Variants in TLN1 observed in about 807,000 individuals in gnomAD.
TLN1 encodes talin-1.
A neutral mutation model predicts 292.3 loss-of-function variants in TLN1; 56 were observed. The ratio of observed to expected loss-of-function variants is 0.19; its 90% CI spans 0.15 to 0.24. The LOEUF is 0.24. TLN1 is among the 10% of genes least tolerant of loss of function. TLN1 has a pLI of 1.00. For synonymous variants in TLN1, 1,119 were observed against 1,253.7 expected, an observed-to-expected ratio of 0.89 and a Z score of 2.27; for missense variants, 2,433 against 3,248.2, an observed-to-expected ratio of 0.75 and a Z score of 6.10.
intron 3 of TLN1, 30 bp downstream of exon 3, chr9:35,725,194 T>C (rs1011552607): frequency 6.2e-6 from 10 of 1,609,166 alleles, no homozygotes; most frequent in Non-Finnish European, 8.5e-6. Context: ...TGGAAGGGGA[T>C]GTGGTGGTCC....
At chr9:35,700,500 G>C in intron 48 of TLN1, 124 bp from the exon 49 acceptor site, 1 of 1,042,294 alleles carries the variant, frequency 9.6e-7, no homozygotes. Flanking sequence ...CAAGGCAGTT[G>C]GTTATTGTTT....
Position 35,705,536 on chromosome 9 carries a change from T to C in TLN1, c.5733+15A>G. ...CAAGGGGCAGGGGGCAGGGCAGAGT[T>C]GCCTCCACGTTTACCTCTTCATTTT... On this transcript the variant is annotated intron_variant, in intron 43 of 56. Coordinates refer to ENST00000314888, the MANE Select transcript of TLN1 (RefSeq NM_006289.4). 6.4e-7 allele frequency: 1 copy of C among 1,562,450 alleles called. No individual in the cohort carries two copies. Among genetic ancestry groups the C allele is most frequent in the Non-Finnish European group, 8.7e-7 (1 of 1,152,012 alleles).
At position 35,704,765 on chromosome 9, in the gene TLN1, G is replaced by T. The variant is rs146690513; in HGVS notation, c.5784C>A (p.Ala1928=). Reference sequence around the variant, plus strand: ...GGGCGCCTGCCTTGGTGACCAGAGCGGCACAGCCATGGCCCAGCTCCTGTA... The same window carrying T: ...GGGCGCCTGCCTTGGTGACCAGAGCTGCACAGCCATGGCCCAGCTCCTGTA... The part of the protein sequence containing the change: ...HRVQELGHGC[A]ALVTKAGALQ... Residue 1928 remains alanine (A), a synonymous_variant, in exon 44 of 57, where the codon GCC becomes GCA. Transcript: ENST00000314888. This position sits in a 1 kb window ranked among gnomAD's most constrained non-coding sequence, Gnocchi z 6.9. 1.2e-6 allele frequency: 2 copies of T among 1,614,066 alleles called. No homozygotes were observed. Among genetic ancestry groups the T allele is most frequent in the Non-Finnish European group, 1.7e-6 (2 of 1,180,048 alleles).
Position 35,720,134 on chromosome 9 carries a change from C to A in TLN1, c.1369G>T (p.Ala457Ser). The A allele has an allele frequency of 1.2e-6, 2 of 1,612,546 alleles. No homozygotes were observed. Among genetic ancestry groups the A allele is most frequent in the Non-Finnish European group, 1.7e-6 (2 of 1,179,364 alleles). ...VALPAIMRSG[A>S]SGPENFQVGS... ...ACCTGGAAATTCTCAGGACCAGAGG[C>A]TCCAGAGCGCATGATGGCAGGCAGG... is the stretch of plus-strand genomic sequence containing the variant. The change falls in exon 13 of 57, where the codon GCC becomes TCC. Residue 457 changes from alanine (A) to serine (S), a missense_variant. By Grantham distance (99) the Ala-to-Ser change is moderately conservative. This residue lies in a region of TLN1 where 617 missense variants were observed against 770.6 expected (regional missense o/e 0.80). Coordinates refer to ENST00000314888, the MANE Select transcript of TLN1 (RefSeq NM_006289.4).
intron 11 of TLN1, 120 bp from the exon 12 acceptor site, chr9:35,720,629 C>CTTTTTTT: frequency 2.4e-6 from 2 of 833,102 alleles, no homozygotes; most frequent in Non-Finnish European, 3.6e-6. Context: ...ATTTCTTTTT[C>CTTTTTTT]TTTTTTTTTT....
Position 35,704,911 on chromosome 9 carries a change from T to C in TLN1, c.5734-96A>G, listed in dbSNP as rs959526159. ...GTCACTAAGGACATAGAAAAAAACA[T>C]GCATTGTAGACTAAAGAAGCAGAGA... is the stretch of plus-strand genomic sequence containing the variant. On this transcript the variant is annotated intron_variant, in intron 43 of 56. Coordinates refer to ENST00000314888, the MANE Select transcript of TLN1 (RefSeq NM_006289.4). This position sits in a 1 kb window ranked among gnomAD's most constrained non-coding sequence, Gnocchi z 6.9. 2.2e-6 allele frequency: 3 copies of C among 1,390,920 alleles called. No individual in the cohort carries two copies. The highest frequency in any genetic ancestry group is 4.5e-5 in the Admixed American group (2 of 44,652). The allele number at this position is 1,390,920 out of a possible 1,614,324, so 86.2% of individuals were successfully genotyped here.
At chr9:35,713,829 AAAAT>A (rs771774990) in intron 25 of TLN1, 120 bp downstream of exon 25, 105 of 1,052,422 alleles carry the variant, frequency 1.0e-4, no homozygotes, top group Non-Finnish European at 1.3e-4. Flanking sequence ...AAAGAAAAGA[AAAAT>A]AAAAGAGAGA....
rs1368326207 is a variant in TLN1, at chr9:35,707,743, G to C, written c.4620C>G (p.Val1540=). 1 of 1,614,202 alleles carries C rather than the reference G, an allele frequency of 6.2e-7. No individual in the cohort carries two copies. The highest frequency in any genetic ancestry group is 1.7e-5 in the Admixed American group (1 of 60,028). The change falls in exon 35 of 57, where the codon GTC becomes GTG. Residue 1540 remains valine (V), a synonymous_variant. Coordinates refer to ENST00000314888, the MANE Select transcript of TLN1 (RefSeq NM_006289.4). This position sits in a 1 kb window ranked among gnomAD's most constrained non-coding sequence, Gnocchi z 5.6. Reference sequence around the variant, plus strand: ...AAGCAATGGGAACCTTGATGGTCTTGACAAGATTAGCTGTGCTGTTGGCCA... The same window carrying C: ...AAGCAATGGGAACCTTGATGGTCTTCACAAGATTAGCTGTGCTGTTGGCCA... ...KEVANSTANL[V]KTIKALDGAF...
Position 35,697,497 on chromosome 9 carries a change from G to A in TLN1, c.*294C>T, listed in dbSNP as rs1001335963. The A allele has an allele frequency of 2.5e-6, 1 of 398,126 alleles. No homozygotes were observed. Among genetic ancestry groups the A allele is most frequent in the African/African-American group, 2.0e-5 (1 of 49,442 alleles). 24.7% of individuals were successfully genotyped at this position (398,126 alleles called of 1,614,324 possible). A position where few individuals can be genotyped will look rare whatever the true frequency, so the allele number is the denominator to read the frequency against. ...CCGGAAGCTGCTGGCAGGGTGGAGT[G>A]GGCTGGGGCCCCGGCAGATTCAGAT... On this transcript the variant is annotated 3_prime_UTR_variant, in exon 57 of 57. Coordinates refer to ENST00000314888, the MANE Select transcript of TLN1 (RefSeq NM_006289.4).
Position 35,724,347 on chromosome 9 carries a change from C to T in TLN1, c.512-13G>A, listed in dbSNP as rs1353366894. 1 of 1,614,128 alleles carries T rather than the reference C, an allele frequency of 6.2e-7. No individual in the cohort carries two copies. The highest frequency in any genetic ancestry group is 1.1e-5 in the South Asian group (1 of 91,078). ...TCCAGCCAGTTCACTGGGATACAGA[C>T]AGTCCCCTCAGTGCCAAACCCCCAT... On this transcript the variant is annotated splice_polypyrimidine_tract_variant and intron_variant, in intron 5 of 56. Coordinates refer to ENST00000314888, the MANE Select transcript of TLN1 (RefSeq NM_006289.4). This position sits in a 1 kb window ranked among gnomAD's most constrained non-coding sequence, Gnocchi z 4.7.
At position 35,703,855 on chromosome 9, in the gene TLN1, C is replaced by A; in HGVS notation, c.6277G>T (p.Asp2093Tyr). 1 of 1,614,224 alleles carries A rather than the reference C, an allele frequency of 6.2e-7. No homozygotes were observed. Among genetic ancestry groups the A allele is most frequent in the Non-Finnish European group, 8.5e-7 (1 of 1,180,048 alleles). Residue 2093 changes from aspartate (D) to tyrosine (Y), a missense_variant, in exon 47 of 57, where the codon GAC becomes TAC. By Grantham distance (160) the Asp-to-Tyr change is radical. Coordinates refer to ENST00000314888, the MANE Select transcript of TLN1 (RefSeq NM_006289.4). The stretch of plus-strand genomic sequence containing the variant: ...GCAGCCTTCGTTGCACTGATGAGGT[C>A]TCCCAGGGCTTTGGCTACATCTTTC... ...AVKDVAKALGDLISATKAAAG... is the reference protein window; with the variant it reads ...AVKDVAKALGYLISATKAAAG...
In TLN1 at chr9:35,725,277, C is replaced by G; in HGVS notation, c.175G>C (p.Gly59Arg). The G allele has an allele frequency of 6.2e-7, 1 of 1,614,038 alleles. No individual in the cohort carries two copies. The change falls in exon 3 of 57, where the codon GGT becomes CGT. Residue 59 changes from glycine to arginine, a missense_variant. Physicochemically the swap from Gly to Arg is moderately radical, Grantham distance 125. Coordinates refer to ENST00000314888, the MANE Select transcript of TLN1 (RefSeq NM_006289.4). The stretch of plus-strand genomic sequence containing the variant: ...GCTTTCCCAGCCTCCAGCCATATAC[C>G]CTTTTTGGGGTCATCATCTGACAGA... ...LFLSDDDPKK[G>R]IWLEAGKALD... is the part of the protein sequence containing the mutation.
Position 35,703,604 on chromosome 9 carries a change from G to A in TLN1, c.6430C>T (p.Arg2144Trp). The change falls in exon 48 of 57, where the codon CGG becomes TGG. Residue 2144 changes from arginine to tryptophan, a missense_variant. By Grantham distance (101) the Arg-to-Trp change is moderately radical (BLOSUM62 -3). This residue lies in a region of TLN1 where 1,384 missense variants were observed against 1,699.6 expected (regional missense o/e 0.81). Coordinates refer to ENST00000314888, the MANE Select transcript of TLN1 (RefSeq NM_006289.4). ...AVEDEATKGTRALEATTEHIR... is the reference protein window; with the variant it reads ...AVEDEATKGTWALEATTEHIR... ...TGTTCTGTGGTTGCCTCCAGGGCCC[G>A]AGTGCCTTTGGTGGCCTCATCTTCC... The A allele has an allele frequency of 6.2e-7, 1 of 1,614,156 alleles. No homozygotes were observed. The highest frequency in any genetic ancestry group is 8.5e-7 in the Non-Finnish European group (1 of 1,180,024).
rs755159548 is a variant in TLN1, at chr9:35,706,848, T to C, written c.5008A>G (p.Ser1670Gly). The change falls in exon 38 of 57, where the codon AGT becomes GGT. Residue 1670 changes from serine to glycine, a missense_variant. Ser to Gly is a moderately conservative substitution (Grantham distance 56, BLOSUM62 0). Transcript: ENST00000314888. The surrounding 1 kb of genome is among the most constrained non-coding windows in gnomAD (Gnocchi z 4.2). ...GCCTGGTCTAGGTCCCGTAGACAAC[T>C]GTTCAGAGCTGCAATGGCCGTTTCA... Reference protein sequence around the residue: ...ECETAIAALNSCLRDLDQASL... With the variant: ...ECETAIAALNGCLRDLDQASL... 6.2e-7 allele frequency: 1 copy of C among 1,614,056 alleles called. No homozygotes were observed. Among genetic ancestry groups the C allele is most frequent in the Non-Finnish European group, 8.5e-7 (1 of 1,180,030 alleles).
At chr9:35,722,083 A>C (rs757065326) in intron 9 of TLN1, 36 bp downstream of exon 9, 8 of 1,576,750 alleles carry the variant, frequency 5.1e-6, no homozygotes, top group Middle Eastern at 1.7e-4. Flanking sequence ...CAAGAGTGGG[A>C]AACAAGGAGG....
At chr9:35,713,491 C>T (rs1400657237) in intron 25 of TLN1, among the ~76,000 whole-genome samples, 193 bp from the exon 26 acceptor site, 1 of 152,046 alleles carries the variant, frequency 6.6e-6, no homozygotes, top group African/African-American at 2.4e-5. Flanking sequence ...CAAGACCAGC[C>T]TGGGCAACAT....
chr9:35,713,970 G>T lies in TLN1; in HGVS notation c.3232C>A (p.Pro1078Thr). The T allele has an allele frequency of 1.9e-6, 3 of 1,614,136 alleles. No homozygotes were observed. Among genetic ancestry groups the T allele is most frequent in the Non-Finnish European group, 2.5e-6 (3 of 1,180,024 alleles). ...KAAARDGKLK[P>T]LPGETMEKCT... ...ATACTTACTGTCTCCCCAGGTAAGG[G>T]TTTAAGCTTGCCATCTCGAGCTGCT... Residue 1078 changes from proline to threonine, a missense_variant, in exon 25 of 57, where the codon CCC becomes ACC. Pro to Thr is a conservative substitution (Grantham distance 38). Coordinates refer to ENST00000314888, the MANE Select transcript of TLN1 (RefSeq NM_006289.4).
In TLN1 at chr9:35,712,999, G is replaced by C; in HGVS notation, c.3397C>G (p.Gln1133Glu). The change falls in exon 27 of 57, where the codon CAG (glutamine) becomes GAG (glutamate). Residue 1133 changes from glutamine (Q) to glutamate (E), a missense_variant. By Grantham distance (29) the Gln-to-Glu change is conservative. This residue lies in a region of TLN1 where 1,384 missense variants were observed against 1,699.6 expected (regional missense o/e 0.81). Coordinates refer to ENST00000314888, the MANE Select transcript of TLN1 (RefSeq NM_006289.4). Reference sequence around the variant, plus strand: ...AGTGCAGCGACTCCCCTAGCGGCCTGGGCCAGTGACCGCAGCCCACCTGCC... The same window carrying C: ...AGTGCAGCGACTCCCCTAGCGGCCTCGGCCAGTGACCGCAGCCCACCTGCC... ...DVAGGLRSLA[Q>E]AARGVAALTS... 1 of 1,609,394 alleles carries C rather than the reference G, an allele frequency of 6.2e-7. No individual in the cohort carries two copies.
chr9:35,697,551 TG>T lies in TLN1; in HGVS notation c.*239del. 1 of 554,738 alleles carries T rather than the reference TG, an allele frequency of 1.8e-6. No individual in the cohort carries two copies. 34.4% of individuals were successfully genotyped at this position (554,738 alleles called of 1,614,324 possible). A position where few individuals can be genotyped will look rare whatever the true frequency, so the allele number is the denominator to read the frequency against. On this transcript the variant is annotated 3_prime_UTR_variant, in exon 57 of 57. Transcript: ENST00000314888. ...GGTACAGCAGCGTTAATAATACTCT[TG>T]GAGCGTTAATACTCTGGGGAGGGGC...
Sources: gnomAD v4.1 joint callset for allele counts (sites outside exome capture counted in the v4.1 genomes callset) on GRCh38, gnomAD v4.1.1 for gene constraint, gnomAD v4.1.1 regional missense constraint, Gnocchi (gnomAD v3.1) non-coding constraint, MANE v1.5 for transcripts, NCBI Gene and HGNC (gene_info 2026-07-23, HGNC 2026-07-21) for gene names.